The following UTS2B variants were observed in gnomAD, a reference collection of about 807,000 sequenced individuals.
UTS2B encodes urotensin 2B, also known as urotensin-2B.
Under a neutral mutation model 19.2 loss-of-function variants are expected in UTS2B, and 21 were observed. That is an observed-to-expected ratio of 1.09 (90% confidence interval 0.78 to 1.58). The LOEUF (loss-of-function observed/expected upper bound fraction) is 1.58. UTS2B is among the 40% of genes most tolerant of loss of function. The probability of loss-of-function intolerance (pLI) is 0.00; values close to 1 mark genes in which losing one functional copy is unlikely to be tolerated. For synonymous variants in UTS2B, 57 were observed against 50.2 expected (o/e 1.14, Z -0.58); for missense variants, 138 against 130.3 (o/e 1.06, Z -0.29).
At position 191,310,815 on chromosome 3, in the gene UTS2B, A is replaced by T. The variant is rs140890985; in HGVS notation, c.-182+5221T>A. ...CTTTTTTACAGAGATTGAACAGATG[A>T]ATTGATCAAAAAAGTGCTGCTAACT... On this transcript the variant is annotated intron_variant, in intron 3 of 8. Transcript: ENST00000340524. Among the ~76,000 whole-genome samples the T allele has an allele frequency of 3.5e-3, 537 of 152,320 alleles. 4 individuals are homozygous for T. The highest frequency in any genetic ancestry group is 0.012 in the African/African-American group (489 of 41,564).
intron 4 of UTS2B, among the ~76,000 whole-genome samples, chr3:191,282,674 A>G (rs556591552): frequency 6.6e-6 from 1 of 152,344 alleles, no homozygotes; most frequent in South Asian, 2.1e-4. Flanking sequence ...TCATTTGACT[A>G]CTTTTGAGCT....
At chr3:191,319,209 C>G (rs1009888346) in intron 2 of UTS2B, among the ~76,000 whole-genome samples, 3 of 152,208 alleles carry the variant, frequency 2.0e-5, no homozygotes, top group African/African-American at 4.8e-5. Context: ...TCATCCTACT[C>G]TAGTCCCTGC....
chr3:191,326,854 T>C (rs186270034), intron 2 of UTS2B, among the ~76,000 whole-genome samples: 1 of 152,246 alleles, frequency 6.6e-6, no homozygotes, highest in East Asian at 1.9e-4. Flanking sequence ...ACAGAACAGG[T>C]GTGGAGTAGG....
At chr3:191,322,370 A>G (rs1401461709) in intron 2 of UTS2B, among the ~76,000 whole-genome samples, 1 of 152,270 alleles carries the variant, frequency 6.6e-6, no homozygotes, top group Admixed American at 6.5e-5. Flanking sequence ...CAATGTTTCA[A>G]ACATGAAAGT....
At chr3:191,292,547 T>C (rs960799871) in intron 4 of UTS2B, among the ~76,000 whole-genome samples, 1 of 152,240 alleles carries the variant, frequency 6.6e-6, no homozygotes, top group African/African-American at 2.4e-5. Flanking sequence ...TGTTTATTTA[T>C]TTTTTCATAG....
chr3:191,305,434 T>C (rs1717110803), intron 3 of UTS2B, among the ~76,000 whole-genome samples: 1 of 152,258 alleles, frequency 6.6e-6, no homozygotes, highest in African/African-American at 2.4e-5. Context: ...TTGAGCTTCT[T>C]TGCATATAAT....
chr3:191,344,845 C>T, the UTS2B span, among the ~76,000 whole-genome samples: 1 of 152,226 alleles, frequency 6.6e-6, no homozygotes, highest in African/African-American at 2.4e-5. Context: ...TCCCAAAGTG[C>T]TGGGATTACA....
At chr3:191,330,076 G>C (rs1717914072) in intron 1 of UTS2B, among the ~76,000 whole-genome samples, 1 of 152,096 alleles carries the variant, frequency 6.6e-6, no homozygotes, top group Non-Finnish European at 1.5e-5. Flanking sequence ...TCGAGGCCCA[G>C]CCTGGCTGGC....
Position 191,282,135 on chromosome 3 carries a change from C to A in UTS2B, c.55G>T (p.Val19Leu). The A allele has an allele frequency of 6.2e-7, 1 of 1,613,414 alleles. No individual in the cohort carries two copies. Residue 19 changes from valine to leucine, a missense_variant, in exon 5 of 9, where the codon GTG becomes TTG. Coordinates refer to ENST00000340524, the MANE Select transcript of UTS2B (RefSeq NM_198152.5). ...TGCACAGATTGTAAAAAACTCAACA[C>A]GGATAACAAAGTTAGGAGTCCAAAG... Reference protein sequence around the residue: ...VCFGLLTLLSVLSFLQSVHGR... With the variant: ...VCFGLLTLLSLLSFLQSVHGR...
intron 2 of UTS2B, among the ~76,000 whole-genome samples, chr3:191,318,946 A>G (rs985277463): frequency 2.6e-5 from 4 of 152,174 alleles, no homozygotes; most frequent in Non-Finnish European, 4.4e-5. Context: ...AAAATTCAAA[A>G]TATGCTTTAT....
chr3:191,271,162 C>T (rs182589042), intron 8 of UTS2B, among the ~76,000 whole-genome samples: 37 of 143,298 alleles, frequency 2.6e-4, no homozygotes, highest in South Asian at 1.3e-3. Context: ...AGAGATCACA[C>T]CACTGCACTC....
At chr3:191,334,402 A>G (rs1437419672), upstream of UTS2B, among the ~76,000 whole-genome samples, 1 of 152,208 alleles carries the variant, frequency 6.6e-6, no homozygotes, top group Admixed American at 6.5e-5. Flanking sequence ...TATTTTTTAA[A>G]CAGGTACTTA....
intron 2 of UTS2B, among the ~76,000 whole-genome samples, chr3:191,321,081 T>G (rs748196585): frequency 2.0e-5 from 3 of 152,164 alleles, no homozygotes; most frequent in Non-Finnish European, 4.4e-5. Flanking sequence ...AGTTAGGAAG[T>G]AGAAGAAGTT....
At chr3:191,340,886 C>T in the UTS2B span, among the ~76,000 whole-genome samples, 8 of 152,124 alleles carry the variant, frequency 5.3e-5, no homozygotes, top group South Asian at 1.7e-3. Flanking sequence ...TCCAGGCTGG[C>T]GTGCAGTGGT....
the UTS2B span, among the ~76,000 whole-genome samples, chr3:191,341,283 G>A: frequency 6.6e-6 from 1 of 152,152 alleles, no homozygotes; most frequent in Admixed American, 6.5e-5. Context: ...TATTTATTGA[G>A]CTGCTGCTTA....
intron 4 of UTS2B, among the ~76,000 whole-genome samples, chr3:191,284,153 T>C (rs924915081): frequency 2.0e-5 from 3 of 151,988 alleles, no homozygotes; most frequent in African/African-American, 7.2e-5. Flanking sequence ...ATGCAGCTTT[T>C]ATTGCCTTAA....
Position 191,281,081 on chromosome 3 carries a change from G to T in UTS2B, c.103+1006C>A, listed in dbSNP as rs376555030. On this transcript the variant is annotated intron_variant, in intron 5 of 8. Coordinates refer to ENST00000340524, the MANE Select transcript of UTS2B (RefSeq NM_198152.5). ...ACTACTCTACTTTTTATTGATTGAG[G>T]TAACAAGGTCTGGTAAAATGGAATT... Among the ~76,000 whole-genome samples the T allele has an allele frequency of 7.1e-4, 108 of 152,210 alleles. 2 individuals carry two copies. Among genetic ancestry groups the T allele is most frequent in the African/African-American group, 2.5e-3 (105 of 41,546 alleles).
chr3:191,268,810 T>C (rs932751419), intron 8 of UTS2B, among the ~76,000 whole-genome samples: 6 of 152,194 alleles, frequency 3.9e-5, no homozygotes, highest in Non-Finnish European at 8.8e-5. Flanking sequence ...TTCATCCCTC[T>C]ATTTTACACT....
At chr3:191,321,759 G>T (rs551094474) in intron 2 of UTS2B, among the ~76,000 whole-genome samples, 71 of 152,332 alleles carry the variant, frequency 4.7e-4, no homozygotes, top group African/African-American at 1.3e-3. Context: ...AGGTGCGGTG[G>T]CTCATGCCTG....
Sources: allele counts gnomAD v4.1 joint callset (sites outside exome capture counted in the v4.1 genomes callset), GRCh38; gene constraint gnomAD v4.1.1; transcripts MANE v1.5; gene names NCBI Gene and HGNC (gene_info 2026-07-23, HGNC 2026-07-21).